The following ANO1 variants were observed in gnomAD, a reference collection of about 807,000 sequenced individuals.
ANO1 encodes the protein anoctamin 1, also known as anoctamin-1.
Under a neutral mutation model 124.0 loss-of-function variants are expected in ANO1, and 59 were observed. That is an observed-to-expected ratio of 0.48 (90% confidence interval 0.39 to 0.59). The LOEUF (loss-of-function observed/expected upper bound fraction) is 0.59, where lower values mean the gene tolerates loss of function less well. Among genes scored for constraint, ANO1 ranks in the 20% least tolerant of loss-of-function variants. ANO1 has a pLI of 0.00. For missense variants in ANO1, 1,059 were observed against 1,328.0 expected (o/e 0.80, Z 3.15); for synonymous variants, 529 against 532.0 (o/e 0.99, Z 0.08).
At chr11:70,163,253 TTTCTC>T in intron 18 of ANO1, 25 bp from the exon 19 acceptor site, 1 of 1,609,682 alleles carries the variant, frequency 6.2e-7, no homozygotes, top group African/African-American at 1.3e-5. Context: ...GGGCTCATCT[TTTCTC>T]TAACGACCTC....
At chr11:70,173,652 C>T (rs537972090) in intron 22 of ANO1, among the ~76,000 whole-genome samples, 116 of 152,278 alleles carry the variant, frequency 7.6e-4, no homozygotes, top group Non-Finnish European at 1.3e-3. Context: ...AGAGAGTGAA[C>T]GTTTTAGGCT....
rs542964799 is a variant in ANO1, at chr11:70,124,748, G to A, written c.962+334G>A. Among the ~76,000 whole-genome samples, 5 of 152,270 alleles carry A rather than the reference G, an allele frequency of 3.3e-5. No homozygotes were observed. In the South Asian group the frequency reaches 1.0e-3, roughly 32 times the overall value. On this transcript the variant is annotated intron_variant, in intron 9 of 25. Coordinates refer to ENST00000355303, the MANE Select transcript of ANO1 (RefSeq NM_018043.7). ...GAAGGAAAGAGCTGCCTCAAATGTG[G>A]AAGGATTTCTTCTCTCCCAAGAGGA...
At chr11:69,973,173 T>A in the ANO1 span, among the ~76,000 whole-genome samples, 2 of 152,128 alleles carry the variant, frequency 1.3e-5, no homozygotes, top group Non-Finnish European at 2.9e-5. Flanking sequence ...CCTCCCAAGG[T>A]GCTGGGATTA....
chr11:70,039,778 T>C (rs1555004850), intron 1 of ANO1, among the ~76,000 whole-genome samples: 1 of 152,148 alleles, frequency 6.6e-6, no homozygotes, highest in East Asian at 1.9e-4. Flanking sequence ...CAAAGAGCAA[T>C]AGAACAATGC....
chr11:70,056,583 G>A (rs1565170100), intron 1 of ANO1: 1 of 152,050 alleles, frequency 6.6e-6, no homozygotes. Flanking sequence ...GCTATGGATT[G>A]AAAAGGAAAA....
intron 1 of ANO1, among the ~76,000 whole-genome samples, chr11:70,039,786 T>C (rs1374872755): frequency 6.6e-6 from 1 of 152,188 alleles, no homozygotes; most frequent in African/African-American, 2.4e-5. Context: ...AATAGAACAA[T>C]GCAGAAAGGA....
chr11:70,100,995 G>C (rs1178385319), intron 2 of ANO1, among the ~76,000 whole-genome samples: 1 of 152,150 alleles, frequency 6.6e-6, no homozygotes, highest in Non-Finnish European at 1.5e-5. Flanking sequence ...CGCAGCCGGG[G>C]GCCTCACCAT....
At chr11:70,076,160 C>T (rs529948050), upstream of ANO1, among the ~76,000 whole-genome samples, 120 of 152,324 alleles carry the variant, frequency 7.9e-4, 1 homozygote, top group Middle Eastern at 3.4e-3. Context: ...AAAAAAGAAA[C>T]ATAGTGGCAA....
chr11:70,183,260 T>C (rs534361939), intron 24 of ANO1, among the ~76,000 whole-genome samples: 3 of 152,350 alleles, frequency 2.0e-5, no homozygotes, highest in Admixed American at 1.3e-4. Context: ...TCCACTTTGA[T>C]TTCCTCTGTG....
the ANO1 span, among the ~76,000 whole-genome samples, chr11:69,973,086 T>C: frequency 1.1e-3 from 174 of 152,004 alleles, no homozygotes; most frequent in Admixed American, 5.6e-3. Flanking sequence ...ATTTTTGTAT[T>C]TTTAGTAGAG....
At chr11:70,060,385 C>T (rs1256775551) in intron 1 of ANO1, among the ~76,000 whole-genome samples, 1 of 152,118 alleles carries the variant, frequency 6.6e-6, no homozygotes, top group African/African-American at 2.4e-5. Flanking sequence ...CATCGATAAA[C>T]CAAGTGTGGT....
At chr11:70,132,275 G>A (rs1044304583) in intron 11 of ANO1, among the ~76,000 whole-genome samples, 196 bp downstream of exon 11, 4 of 152,190 alleles carry the variant, frequency 2.6e-5, no homozygotes, top group Non-Finnish European at 5.9e-5. Context: ...GGAGAGACAC[G>A]GGTTCTCCTG....
the ANO1 span, among the ~76,000 whole-genome samples, chr11:69,976,237 A>C: frequency 2.0e-5 from 3 of 152,018 alleles, no homozygotes; most frequent in East Asian, 5.8e-4. Context: ...GCCCCTTCTA[A>C]GAAGGCTCAC....
chr11:70,162,759 C>T (rs948302144), intron 18 of ANO1, among the ~76,000 whole-genome samples: 1 of 152,228 alleles, frequency 6.6e-6, no homozygotes, highest in African/African-American at 2.4e-5. Flanking sequence ...GCCCCCTGAG[C>T]GCATCCAGGA....
chr11:70,156,885 A>G (rs750123703), intron 15 of ANO1, 62 bp from the exon 16 acceptor site: 19 of 1,514,514 alleles, frequency 1.3e-5, no homozygotes, highest in Non-Finnish European at 1.7e-5. Context: ...ACCCACGCTG[A>G]CACACAGAGA....
chr11:70,124,069 G>A (rs1343705492), intron 8 of ANO1, among the ~76,000 whole-genome samples: 2 of 152,140 alleles, frequency 1.3e-5, no homozygotes, highest in Non-Finnish European at 2.9e-5. Context: ...GAATGGTTTG[G>A]TGTCTGATGG....
intron 11 of ANO1, 126 bp downstream of exon 11, chr11:70,132,205 G>A (rs2046786245): frequency 3.9e-6 from 5 of 1,274,112 alleles, no homozygotes; most frequent in Middle Eastern, 1.9e-4. Context: ...CATAGGGGAA[G>A]GGGGCTGGTG....
At chr11:70,107,787 G>A (rs901005523) in intron 5 of ANO1, among the ~76,000 whole-genome samples, 11 of 152,126 alleles carry the variant, frequency 7.2e-5, no homozygotes, top group Non-Finnish European at 1.5e-4. Flanking sequence ...CAAGGGGCAG[G>A]CAGCCGGGGG....
intron 25 of ANO1, 98 bp from the exon 26 acceptor site, chr11:70,187,638 GGT>G: frequency 7.0e-7 from 1 of 1,424,362 alleles, no homozygotes; most frequent in Admixed American, 2.1e-5. Context: ...GCCAGGAGGT[GGT>G]GGGGTGGCAC....
Sources: gnomAD v4.1 joint callset for allele counts (sites outside exome capture counted in the v4.1 genomes callset) on GRCh38, gnomAD v4.1.1 for gene constraint, MANE v1.5 for transcripts, NCBI Gene and HGNC (gene_info 2026-07-23, HGNC 2026-07-21) for gene names.